Variants in FARS2 observed in about 807,000 individuals in gnomAD.
FARS2 encodes the protein phenylalanyl-tRNA synthetase 2, mitochondrial, also known as phenylalanine--tRNA ligase, mitochondrial.
A neutral mutation model predicts 46.4 loss-of-function variants in FARS2; 40 were observed. That is an observed-to-expected ratio of 0.86 (90% confidence interval 0.67 to 1.12). The LOEUF (loss-of-function observed/expected upper bound fraction) is 1.12. FARS2 is among the 50% of genes most tolerant of loss of function. The pLI, the probability that FARS2 is intolerant of heterozygous loss-of-function variation, is 0.00. For synonymous variants in FARS2, 234 were observed against 214.9 expected (o/e 1.09, Z -0.78); for missense variants, 513 against 567.9 (o/e 0.90, Z 0.98).
At chr6:5,591,408 C>CA (rs1373804627) in intron 5 of FARS2, among the ~76,000 whole-genome samples, 1 of 152,230 alleles carries the variant, frequency 6.6e-6, no homozygotes, top group Admixed American at 6.5e-5. Context: ...TCTCTGAGCA[C>CA]AGCTGTGACC....
intron 4 of FARS2, among the ~76,000 whole-genome samples, chr6:5,501,901 G>T (rs1767824693): frequency 6.6e-6 from 1 of 152,218 alleles, no homozygotes; most frequent in Non-Finnish European, 1.5e-5. Context: ...TGCCCCTCCA[G>T]TCACATGTGA....
chr6:5,589,705 G>A (rs745315161), intron 5 of FARS2, among the ~76,000 whole-genome samples: 25 of 152,180 alleles, frequency 1.6e-4, no homozygotes, highest in Non-Finnish European at 3.7e-4. Context: ...TGCTGAGATT[G>A]GACAGAGATA....
chr6:5,368,932 C>A lies in FARS2; in HGVS notation c.362C>A (p.Thr121Lys). 1.2e-6 allele frequency: 2 copies of A among 1,614,152 alleles called. No homozygotes were observed. The highest frequency in any genetic ancestry group is 2.7e-5 in the African/African-American group (2 of 75,026). Residue 121 changes from threonine to lysine, a missense_variant, in exon 2 of 7, where the codon ACG becomes AAG. By Grantham distance (78) the Thr-to-Lys change is moderately conservative. Coordinates refer to ENST00000274680, the MANE Select transcript of FARS2 (RefSeq NM_006567.5). ...TACGACAACCTTTCTCCAGTGGTCA[C>A]GACCTGGCAGAACTTTGACAGCCTG... The part of the protein sequence containing the change: ...SVYDNLSPVV[T>K]TWQNFDSLLI...
chr6:5,260,792 C>A (rs1233543328), upstream of FARS2: 3 of 1,534,438 alleles, frequency 2.0e-6, no homozygotes, highest in East Asian at 2.4e-5. Context: ...TACGACCCAA[C>A]CCACGAAACT....
chr6:5,559,392 A>T (rs1013432285), intron 5 of FARS2, among the ~76,000 whole-genome samples: 7 of 152,206 alleles, frequency 4.6e-5, no homozygotes, highest in Admixed American at 4.6e-4. Context: ...CAACAGAGTG[A>T]GACCCTATCT....
chr6:5,627,340 G>C (rs560463514), intron 6 of FARS2, among the ~76,000 whole-genome samples: 125 of 152,294 alleles, frequency 8.2e-4, no homozygotes, highest in South Asian at 1.4e-3. Flanking sequence ...TTCCCCTAAA[G>C]GAAATAACAG....
intron 2 of FARS2, among the ~76,000 whole-genome samples, chr6:5,391,372 A>G (rs1760501903): frequency 6.6e-6 from 1 of 152,200 alleles, no homozygotes; most frequent in Non-Finnish European, 1.5e-5. Flanking sequence ...AGAAAACCAT[A>G]TAGTATGTAA....
chr6:5,646,556 A>C (rs1266844895), intron 6 of FARS2, among the ~76,000 whole-genome samples: 1 of 152,146 alleles, frequency 6.6e-6, no homozygotes, highest in Non-Finnish European at 1.5e-5. Context: ...GTGGATTATG[A>C]ATCTGTTCGC....
At chr6:5,306,885 G>A (rs547230063) in intron 1 of FARS2, among the ~76,000 whole-genome samples, 1 of 151,850 alleles carries the variant, frequency 6.6e-6, no homozygotes, top group African/African-American at 2.4e-5. Flanking sequence ...GACTTTGCTT[G>A]GTTTTGAAAG....
At chr6:5,383,749 G>A (rs1731862548) in intron 2 of FARS2, among the ~76,000 whole-genome samples, 1 of 144,846 alleles carries the variant, frequency 6.9e-6, no homozygotes, top group South Asian at 2.2e-4. Context: ...GTCCTTTTTA[G>A]TTCTGATCTA....
chr6:5,430,657 A>T (rs79855462), intron 3 of FARS2, among the ~76,000 whole-genome samples: 8,591 of 152,082 alleles, frequency 0.056, 270 homozygotes, highest in South Asian at 0.084. Flanking sequence ...GTTTGGAGGA[A>T]AATATAGTAA....
chr6:5,380,915 T>C (rs1759717585), intron 2 of FARS2, among the ~76,000 whole-genome samples: 1 of 151,992 alleles, frequency 6.6e-6, no homozygotes, highest in Admixed American at 6.6e-5. Flanking sequence ...TATATTTTAG[T>C]TTTTATAGAA....
At chr6:5,385,677 G>A (rs954334741) in intron 2 of FARS2, among the ~76,000 whole-genome samples, 1 of 152,106 alleles carries the variant, frequency 6.6e-6, no homozygotes, top group Admixed American at 6.5e-5. Context: ...GTCCGCCTTG[G>A]CCTCCTAAAG....
At chr6:5,553,769 A>G (rs1345779281) in intron 5 of FARS2, among the ~76,000 whole-genome samples, 3 of 152,146 alleles carry the variant, frequency 2.0e-5, no homozygotes, top group Non-Finnish European at 4.4e-5. Flanking sequence ...GCAGATTCTA[A>G]TTCAGTGGGT....
At chr6:5,620,082 A>C (rs1775685911) in intron 6 of FARS2, among the ~76,000 whole-genome samples, 1 of 151,928 alleles carries the variant, frequency 6.6e-6, no homozygotes, top group African/African-American at 2.4e-5. Context: ...AGGGTTTTTT[A>C]ACCTCTGCAC....
intron 1 of FARS2, among the ~76,000 whole-genome samples, chr6:5,356,147 C>A (rs1340238373): frequency 6.6e-6 from 1 of 152,146 alleles, no homozygotes; most frequent in African/African-American, 2.4e-5. Flanking sequence ...GGTGATTTTG[C>A]TGTTTAAAAA....
chr6:5,757,594 G>A (rs1227100443), intron 6 of FARS2, among the ~76,000 whole-genome samples: 1 of 152,202 alleles, frequency 6.6e-6, no homozygotes, highest in Admixed American at 6.5e-5. Flanking sequence ...GCTTTGAGGT[G>A]GGATATAGCT....
chr6:5,530,360 A>T (rs188796195), intron 4 of FARS2, among the ~76,000 whole-genome samples: 11 of 152,300 alleles, frequency 7.2e-5, no homozygotes, highest in Admixed American at 3.3e-4. Context: ...ATTAATAAAG[A>T]CTAAAGAGAC....
intron 1 of FARS2, among the ~76,000 whole-genome samples, chr6:5,342,266 A>G (rs1245430100): frequency 3.3e-5 from 5 of 152,224 alleles, no homozygotes; most frequent in African/African-American, 1.2e-4. Flanking sequence ...CTAATACTTC[A>G]TTACAGTCAA....
Sources: allele counts gnomAD v4.1 joint callset (sites outside exome capture counted in the v4.1 genomes callset), GRCh38; gene constraint gnomAD v4.1.1; transcripts MANE v1.5; gene names NCBI Gene and HGNC (gene_info 2026-07-23, HGNC 2026-07-21).